STAC: variants seen among roughly 807,000 people sequenced by gnomAD.
STAC encodes SH3 and cysteine rich domain, also known as SH3 and cysteine-rich domain-containing protein.
A neutral mutation model predicts 48.8 loss-of-function variants in STAC; 43 were observed. The observed-to-expected ratio is 0.88, with a 90% CI of 0.69 to 1.14. STAC has a LOEUF of 1.14. STAC is among the 50% of genes most tolerant of loss of function. STAC has a pLI of 0.00. For missense variants in STAC, 497 were observed against 504.0 expected, an observed-to-expected ratio of 0.99 and a Z score of 0.13; for synonymous variants, 193 against 179.5, an observed-to-expected ratio of 1.07 and a Z score of -0.60.
At chr3:36,424,922 G>T (rs1700529278) in intron 1 of STAC, among the ~76,000 whole-genome samples, 1 of 152,000 alleles carries the variant, frequency 6.6e-6, no homozygotes, top group African/African-American at 2.4e-5. Flanking sequence ...TATGCAATAG[G>T]ATTCTAATAA....
intron 7 of STAC, 70 bp from the exon 8 acceptor site, chr3:36,505,676 G>A: frequency 9.4e-7 from 1 of 1,066,498 alleles, no homozygotes; most frequent in Non-Finnish European, 1.4e-6. Context: ...TCCATTTCCT[G>A]TTTTCTTTCT....
chr3:36,380,717 C>T lies in STAC; in HGVS notation c.74C>T (p.Pro25Leu), dbSNP rs139848906. The T allele has an allele frequency of 1.1e-4, 180 of 1,611,866 alleles. No individual in the cohort carries two copies. The highest frequency in any genetic ancestry group is 1.4e-4 in the Non-Finnish European group (170 of 1,179,302). ...LPKEAVGAEQPPSPASTSSQE... is the reference protein window; with the variant it reads ...LPKEAVGAEQLPSPASTSSQE... ...AAGGAGGCGGTGGGCGCCGAGCAAC[C>T]GCCCTCTCCTGCATCCACCAGCAGC... The change falls in exon 1 of 11, where the codon CCG (proline) becomes CTG (leucine). Residue 25 changes from proline to leucine, a missense_variant. Coordinates refer to ENST00000273183, the MANE Select transcript of STAC (RefSeq NM_003149.3).
intron 1 of STAC, among the ~76,000 whole-genome samples, chr3:36,410,912 G>A (rs546912226): frequency 1.2e-4 from 19 of 152,126 alleles, no homozygotes; most frequent in South Asian, 2.1e-4. Context: ...ATACATTTAC[G>A]GGATTTGAAC....
intron 1 of STAC, among the ~76,000 whole-genome samples, chr3:36,439,460 T>G (rs1056576018): frequency 2.0e-5 from 3 of 152,230 alleles, no homozygotes; most frequent in African/African-American, 4.8e-5. Flanking sequence ...AGTCAATTTA[T>G]TGAATCATCT....
At chr3:36,428,864 G>T (rs1030709267) in intron 1 of STAC, among the ~76,000 whole-genome samples, 7 of 152,186 alleles carry the variant, frequency 4.6e-5, no homozygotes, top group Admixed American at 1.3e-4. Flanking sequence ...GTTTTGAGCA[G>T]AGTAGTAAAA....
chr3:36,490,643 G>T lies in STAC; in HGVS notation c.688-2508G>T, dbSNP rs1040493736. ...GATCTATCTGCACGAGCAGTAGATG[G>T]CTGCTCCTGTGGTTCTGAGCTTTGC... On this transcript the variant is annotated intron_variant, in intron 5 of 10. Coordinates refer to ENST00000273183, the MANE Select transcript of STAC (RefSeq NM_003149.3). Among the ~76,000 whole-genome samples, 4 of 152,178 alleles carry T rather than the reference G, an allele frequency of 2.6e-5. No individual in the cohort carries two copies. In the East Asian group the frequency reaches 5.8e-4, roughly 22 times the overall value.
intron 2 of STAC, among the ~76,000 whole-genome samples, chr3:36,449,773 C>T (rs190512911): frequency 6.6e-6 from 1 of 152,262 alleles, no homozygotes; most frequent in Admixed American, 6.5e-5. Flanking sequence ...GGAAGTGACA[C>T]TCTTTAGGGG....
Position 36,463,783 on chromosome 3 carries a change from C to T in STAC, c.389-19209C>T, listed in dbSNP as rs1159209022. On this transcript the variant is annotated intron_variant, in intron 2 of 10. Coordinates refer to ENST00000273183, the MANE Select transcript of STAC (RefSeq NM_003149.3). ...TGCGGTGTTTGGTTTTTTGTCCTTG[C>T]GATAGTTTACTGAGAATGATGGTTT... 7.3e-5 allele frequency among the ~76,000 whole-genome samples: 11 copies of T among 150,716 alleles called. No individual in the cohort carries two copies. In the East Asian group the frequency reaches 7.9e-4, roughly 11 times the overall value.
chr3:36,425,141 T>C (rs895305467), intron 1 of STAC, among the ~76,000 whole-genome samples: 2 of 152,162 alleles, frequency 1.3e-5, no homozygotes, highest in African/African-American at 4.8e-5. Flanking sequence ...ATGATATTTA[T>C]TATGAAGGGG....
At chr3:36,494,327 G>A (rs907063831) in intron 6 of STAC, among the ~76,000 whole-genome samples, 5 of 152,134 alleles carry the variant, frequency 3.3e-5, no homozygotes, top group Non-Finnish European at 5.9e-5. Context: ...TAGCAAAAGT[G>A]TATTAGTCAA....
At chr3:36,418,449 A>G (rs2125641931) in intron 1 of STAC, among the ~76,000 whole-genome samples, 1 of 152,262 alleles carries the variant, frequency 6.6e-6, no homozygotes, top group South Asian at 2.1e-4. Context: ...GGGTTATTAA[A>G]TGATTCCACA....
At chr3:36,510,814 G>T (rs185324413) in intron 8 of STAC, among the ~76,000 whole-genome samples, 2,600 of 152,062 alleles carry the variant, frequency 0.017, 68 homozygotes, top group African/African-American at 0.06. Flanking sequence ...TTGGGGGTTG[G>T]GGGGCTAAGG....
intron 8 of STAC, 92 bp from the exon 9 acceptor site, chr3:36,528,604 T>C: frequency 9.7e-7 from 1 of 1,033,244 alleles, no homozygotes; most frequent in Non-Finnish European, 1.4e-6. Context: ...TTTAAGACTA[T>C]TTGTGTAAAT....
intron 2 of STAC, among the ~76,000 whole-genome samples, chr3:36,462,739 G>T (rs1559501056): frequency 6.6e-6 from 1 of 152,226 alleles, no homozygotes; most frequent in Non-Finnish European, 1.5e-5. Context: ...ACTTAGCCAA[G>T]TGGATCATGG....
At chr3:36,472,559 G>T (rs1047748738) in intron 2 of STAC, among the ~76,000 whole-genome samples, 1 of 152,236 alleles carries the variant, frequency 6.6e-6, no homozygotes, top group Non-Finnish European at 1.5e-5. Context: ...CAGCACCCAA[G>T]TCACCTCTTG....
At chr3:36,427,733 C>G (rs1217630370) in intron 1 of STAC, among the ~76,000 whole-genome samples, 1 of 152,130 alleles carries the variant, frequency 6.6e-6, no homozygotes, top group Non-Finnish European at 1.5e-5. Context: ...AAATTCCCTA[C>G]CCTTGTGGAA....
chr3:36,427,574 C>A (rs1700595711), intron 1 of STAC, among the ~76,000 whole-genome samples: 1 of 152,094 alleles, frequency 6.6e-6, no homozygotes, highest in African/African-American at 2.4e-5. Flanking sequence ...TCTACCTGGG[C>A]TTTAGAGTCA....
At chr3:36,465,468 G>C (rs952686649) in intron 2 of STAC, among the ~76,000 whole-genome samples, 1 of 152,130 alleles carries the variant, frequency 6.6e-6, no homozygotes. Flanking sequence ...GTTTAACTAA[G>C]TCCCATCTAT....
chr3:36,529,176 A>C (rs1699008347), intron 10 of STAC, 191 bp downstream of exon 10: 3 of 494,248 alleles, frequency 6.1e-6, no homozygotes, highest in Non-Finnish European at 9.8e-6. Flanking sequence ...TAGGAATCTC[A>C]CTTGGTGATA....
Sources: gnomAD v4.1 joint callset for allele counts (sites outside exome capture counted in the v4.1 genomes callset) on GRCh38, gnomAD v4.1.1 for gene constraint, MANE v1.5 for transcripts, NCBI Gene and HGNC (gene_info 2026-07-23, HGNC 2026-07-21) for gene names.